The following DERA variants were observed in gnomAD, a reference collection of about 807,000 sequenced individuals.
The protein encoded by DERA is deoxyribose-phosphate aldolase.
A neutral mutation model predicts 41.1 loss-of-function variants in DERA; 15 were observed. The ratio of observed to expected loss-of-function variants is 0.37; its 90% CI spans 0.24 to 0.56. The LOEUF is 0.56. DERA is among the 20% of genes least tolerant of loss of function. The probability of loss-of-function intolerance (pLI) is 0.81; values close to 1 mark genes in which losing one functional copy is unlikely to be tolerated. For synonymous variants in DERA, 139 were observed against 137.4 expected (o/e 1.01, Z -0.08); for missense variants, 396 against 403.4 (o/e 0.98, Z 0.16).
At chr12:15,973,813 C>CT (rs529404568) in intron 5 of DERA, among the ~76,000 whole-genome samples, 16 of 151,820 alleles carry the variant, frequency 1.1e-4, no homozygotes, top group Middle Eastern at 3.4e-3. Context: ...TATGTAATCA[C>CT]TTTTTTTTAA....
chr12:15,963,060 G>A, intron 5 of DERA, 113 bp downstream of exon 5: 1 of 1,385,602 alleles, frequency 7.2e-7, no homozygotes, highest in Non-Finnish European at 9.6e-7. Context: ...CAAGTTAGTA[G>A]ATCAAATGGT....
At chr12:15,979,768 A>G (rs1948721271) in intron 5 of DERA, among the ~76,000 whole-genome samples, 2 of 152,260 alleles carry the variant, frequency 1.3e-5, no homozygotes, top group South Asian at 2.1e-4. Context: ...TGTTTGGATC[A>G]TGGATTAAAG....
At chr12:15,942,006 A>G (rs563545071) in intron 1 of DERA, among the ~76,000 whole-genome samples, 2 of 152,192 alleles carry the variant, frequency 1.3e-5, no homozygotes, top group African/African-American at 4.8e-5. Flanking sequence ...CCTTTTCACC[A>G]CATTTATATC....
rs1949005681 is a variant in DERA at position 16,019,652 on chromosome 12, T to A, written c.638-12890T>A. Among the ~76,000 whole-genome samples the A allele has an allele frequency of 6.6e-6, 1 of 152,226 alleles. No individual in the cohort carries two copies. Among genetic ancestry groups the A allele is most frequent in the South Asian group, 2.1e-4 (1 of 4,836 alleles). ...TTCTTTTTATGGTGGTGTTCTTCCA[T>A]GTGTGCCCTCTCATCTTTAAATTTT... is the stretch of plus-strand genomic sequence containing the variant. On this transcript the variant is annotated intron_variant, in intron 6 of 8. Transcript: ENST00000428559. This position sits in a 1 kb window ranked among gnomAD's most constrained non-coding sequence, Gnocchi z 4.4.
In DERA at chr12:16,003,093, G is replaced by T. The variant is rs534756313; in HGVS notation, c.637+20657G>T. Among the ~76,000 whole-genome samples, 2 of 152,270 alleles carry T rather than the reference G, an allele frequency of 1.3e-5. No homozygotes were observed. The highest frequency in any genetic ancestry group is 3.9e-4 in the East Asian group (2 of 5,180). On this transcript the variant is annotated intron_variant, in intron 6 of 8. Transcript: ENST00000428559. The surrounding 1 kb of genome is among the most constrained non-coding windows in gnomAD (Gnocchi z 4.8). ...GGTGTGAGCAGGGTTAGTTCCTTCT[G>T]AGGGCTATGAGAAAGAATCTGTTTT...
intron 1 of DERA, among the ~76,000 whole-genome samples, chr12:15,917,381 T>A (rs1368661112): frequency 6.6e-6 from 1 of 152,218 alleles, no homozygotes; most frequent in East Asian, 1.9e-4. Context: ...AATTGATTTG[T>A]GTAATTTTAA....
intron 1 of DERA, chr12:15,956,597 G>T (rs759196302): frequency 1.8e-5 from 7 of 379,940 alleles, no homozygotes; most frequent in Admixed American, 1.4e-4. Flanking sequence ...CAGAGGTGAG[G>T]TACGTGGCAT....
intron 6 of DERA, among the ~76,000 whole-genome samples, chr12:16,024,839 G>T (rs1273758860): frequency 6.6e-6 from 1 of 152,058 alleles, no homozygotes; most frequent in African/African-American, 2.4e-5. Context: ...TGATTTAAAA[G>T]ATAACAATTT....
chr12:15,920,922 A>G (rs1948239020), intron 1 of DERA, among the ~76,000 whole-genome samples: 1 of 152,202 alleles, frequency 6.6e-6, no homozygotes, highest in Admixed American at 6.5e-5. Context: ...AGATTCCCAG[A>G]TAGCTCTTAT....
chr12:15,953,396 C>G (rs1948513307), intron 1 of DERA, among the ~76,000 whole-genome samples: 1 of 152,080 alleles, frequency 6.6e-6, no homozygotes, highest in Admixed American at 6.6e-5. Context: ...GATGGAAAGT[C>G]TAGAAAGTAA....
At chr12:16,006,012 C>G (rs374421890) in intron 6 of DERA, among the ~76,000 whole-genome samples, 1 of 152,182 alleles carries the variant, frequency 6.6e-6, no homozygotes. Flanking sequence ...TTCTGCTGTT[C>G]GGTCCTTACA....
At position 16,019,387 on chromosome 12, in the gene DERA, A is replaced by G. The variant is rs1688566106; in HGVS notation, c.638-13155A>G. The stretch of plus-strand genomic sequence containing the variant: ...ATCCAATACAGACACTAAATTTAGC[A>G]TCTTAAAACACTGATTTCATGTGAT... On this transcript the variant is annotated intron_variant, in intron 6 of 8. Transcript: ENST00000428559. The surrounding 1 kb of genome is among the most constrained non-coding windows in gnomAD (Gnocchi z 4.4). 6.6e-6 allele frequency among the ~76,000 whole-genome samples: 1 copy of G among 152,192 alleles called. No homozygotes were observed. Among genetic ancestry groups the G allele is most frequent in the Admixed American group, 6.5e-5 (1 of 15,284 alleles).
chr12:16,017,454 A>T lies in DERA; in HGVS notation c.638-15088A>T, dbSNP rs893365739. Among the ~76,000 whole-genome samples the T allele has an allele frequency of 6.6e-6, 1 of 152,126 alleles. No homozygotes were observed. Among genetic ancestry groups the T allele is most frequent in the African/African-American group, 2.4e-5 (1 of 41,508 alleles). On this transcript the variant is annotated intron_variant, in intron 6 of 8. Transcript: ENST00000428559. The surrounding 1 kb of genome is among the most constrained non-coding windows in gnomAD (Gnocchi z 5.5). ...TCTTTCTCTTTACCCCCTTTCTCAC[A>T]TGGGTAGCTAATTATCCTTGGATCA...
chr12:16,029,890 A>T (rs1306234950), intron 6 of DERA, among the ~76,000 whole-genome samples: 1 of 138,778 alleles, frequency 7.2e-6, no homozygotes, highest in Non-Finnish European at 1.6e-5. Context: ...CCTTGTTTTC[A>T]GACCTCCAAA....
intron 5 of DERA, among the ~76,000 whole-genome samples, chr12:15,980,827 A>G (rs1429471439): frequency 1.3e-5 from 2 of 152,022 alleles, no homozygotes; most frequent in Non-Finnish European, 2.9e-5. Context: ...ATTTCTCTTC[A>G]TTTTTCACTT....
intron 1 of DERA, among the ~76,000 whole-genome samples, chr12:15,926,665 G>A (rs946536157): frequency 3.9e-5 from 6 of 152,034 alleles, no homozygotes; most frequent in Admixed American, 3.3e-4. Context: ...GAACCCGGGA[G>A]GCGGAGCTTG....
chr12:16,007,646 A>G (rs1343699439), intron 6 of DERA, among the ~76,000 whole-genome samples: 1 of 152,170 alleles, frequency 6.6e-6, no homozygotes, highest in African/African-American at 2.4e-5. Flanking sequence ...ATGGCTCTCA[A>G]AGAGTATGTA....
chr12:16,006,853 A>G (rs1240969339), intron 6 of DERA, among the ~76,000 whole-genome samples: 1 of 152,234 alleles, frequency 6.6e-6, no homozygotes, highest in Non-Finnish European at 1.5e-5. Flanking sequence ...CTATCAAGAA[A>G]TTCTGGAAAT....
At chr12:15,929,768 T>G (rs771500142) in intron 1 of DERA, among the ~76,000 whole-genome samples, 9 of 152,196 alleles carry the variant, frequency 5.9e-5, no homozygotes, top group Non-Finnish European at 1.3e-4. Flanking sequence ...AAATCTTTCT[T>G]TTTTAAATTT....
Sources: gnomAD v4.1 joint callset for allele counts (sites outside exome capture counted in the v4.1 genomes callset) on GRCh38, gnomAD v4.1.1 for gene constraint, Gnocchi (gnomAD v3.1) non-coding constraint, MANE v1.5 for transcripts, NCBI Gene and HGNC (gene_info 2026-07-23, HGNC 2026-07-21) for gene names.